The following KIAA0319L variants were observed in gnomAD, a reference collection of about 807,000 sequenced individuals.
KIAA0319L encodes KIAA0319 like.
Under a neutral mutation model 120.1 loss-of-function variants are expected in KIAA0319L, and 55 were observed. That is an observed-to-expected ratio of 0.46 (90% CI 0.37 to 0.57). The LOEUF (loss-of-function observed/expected upper bound fraction) is 0.57. Among genes scored for constraint, KIAA0319L ranks in the 20% least tolerant of loss-of-function variants. The pLI is 0.00. For missense variants in KIAA0319L, 1,049 were observed against 1,255.3 expected, an observed-to-expected ratio of 0.84 and a Z score of 2.48; for synonymous variants, 398 against 471.9, an observed-to-expected ratio of 0.84 and a Z score of 2.03.
At chr1:35,527,667 G>C (rs74851972) in intron 2 of KIAA0319L, among the ~76,000 whole-genome samples, 6,876 of 151,972 alleles carry the variant, frequency 0.045, 378 homozygotes, top group African/African-American at 0.13. Flanking sequence ...ATTTCCTCTA[G>C]GTTTTCCTGT....
At chr1:35,442,196 G>A (rs375341412) in intron 19 of KIAA0319L, 50 bp downstream of exon 19, 207 of 1,385,508 alleles carry the variant, frequency 1.5e-4, no homozygotes, top group Non-Finnish European at 1.9e-4. Context: ...TCTGAGGAAC[G>A]AATGTATGAC....
intron 2 of KIAA0319L, among the ~76,000 whole-genome samples, chr1:35,520,932 T>G (rs1320787357): frequency 6.6e-6 from 1 of 152,218 alleles, no homozygotes; most frequent in Non-Finnish European, 1.5e-5. Flanking sequence ...TGGAATTTAT[T>G]GTACAAATAA....
intron 3 of KIAA0319L, among the ~76,000 whole-genome samples, chr1:35,481,494 A>G (rs1406025511): frequency 6.6e-6 from 1 of 152,164 alleles, no homozygotes; most frequent in African/African-American, 2.4e-5. Flanking sequence ...ATAAAGTAAT[A>G]TATCACTGAT....
intron 3 of KIAA0319L, among the ~76,000 whole-genome samples, chr1:35,482,430 CTTTT>C (rs777518171): frequency 2.2e-5 from 3 of 134,310 alleles, no homozygotes; most frequent in South Asian, 2.4e-4. Context: ...ATCTACAGGT[CTTTT>C]TTTTTTTTTT....
In KIAA0319L at chr1:35,554,521, TAGA is replaced by T. The variant is rs1318792493; in HGVS notation, c.-28-5_-28-3del. 1.4e-5 allele frequency: 21 copies of T among 1,542,858 alleles called. No individual in the cohort carries two copies. The highest frequency in any genetic ancestry group is 1.3e-4 in the African/African-American group (9 of 71,646). ...CTCCAGACAGGCAGAACCAGTACAC[TAGA>T]AGGACAGAAAGAGAAGAAATTACAT... On this transcript the variant is annotated splice_region_variant and splice_polypyrimidine_tract_variant and intron_variant, in intron 1 of 20. Transcript: ENST00000325722.
chr1:35,548,086 A>T (rs866516851), intron 2 of KIAA0319L, among the ~76,000 whole-genome samples: 1 of 151,870 alleles, frequency 6.6e-6, no homozygotes, highest in Non-Finnish European at 1.5e-5. Context: ...GTACCACTGC[A>T]GTCCAGCCTG....
In KIAA0319L at chr1:35,481,918, G is replaced by A. The variant is rs531232224; in HGVS notation, c.667-2706C>T. On this transcript the variant is annotated intron_variant, in intron 3 of 20. Coordinates refer to ENST00000325722, the MANE Select transcript of KIAA0319L (RefSeq NM_024874.5). ...CGGCTCACTGCAAGCTCCACCTCCC[G>A]GGTTCATGCCATTCTCCTGCCTCAG... 2.6e-3 allele frequency among the ~76,000 whole-genome samples: 378 copies of A among 147,880 alleles called. 2 individuals carry two copies. Among genetic ancestry groups the A allele is most frequent in the African/African-American group, 8.0e-3 (320 of 39,754 alleles).
chr1:35,435,361 C>A (rs1380453960), intron 20 of KIAA0319L: 19 of 347,258 alleles, frequency 5.5e-5, no homozygotes, highest in Non-Finnish European at 7.7e-5. Context: ...GTTCAGGCCA[C>A]TCAGTGACAT....
intron 2 of KIAA0319L, among the ~76,000 whole-genome samples, chr1:35,529,455 G>C (rs770323689): frequency 1.3e-5 from 2 of 152,096 alleles, no homozygotes; most frequent in Non-Finnish European, 1.5e-5. Flanking sequence ...TTTCACTTCC[G>C]AATGTAGGAC....
At chr1:35,550,663 G>A (rs907075331) in intron 2 of KIAA0319L, among the ~76,000 whole-genome samples, 1 of 152,212 alleles carries the variant, frequency 6.6e-6, no homozygotes, top group African/African-American at 2.4e-5. Context: ...TATTGAATAT[G>A]TAGTTGCATA....
In KIAA0319L at chr1:35,454,277, T is replaced by C. The variant is rs79870981; in HGVS notation, c.1780+85A>G. 72 of 1,465,566 alleles carry C rather than the reference T, an allele frequency of 4.9e-5. No homozygotes were observed. In the East Asian group the frequency reaches 1.5e-3, roughly 30 times the overall value. The allele number at this position is 1,465,566 out of a possible 1,614,324, so 90.8% of individuals were successfully genotyped here. A position where few individuals can be genotyped will look rare whatever the true frequency, so the allele number is the denominator to read the frequency against. On this transcript the variant is annotated intron_variant, in intron 11 of 20. Coordinates refer to ENST00000325722, the MANE Select transcript of KIAA0319L (RefSeq NM_024874.5). ...TCGGTGCCTTCTGCTTCTACCCTCA[T>C]ACAGCTCAGAACCCAACACTCTTTT... is the stretch of plus-strand genomic sequence containing the variant.
chr1:35,538,736 G>A (rs991924624), intron 2 of KIAA0319L, among the ~76,000 whole-genome samples: 8 of 152,046 alleles, frequency 5.3e-5, no homozygotes, highest in African/African-American at 1.7e-4. Flanking sequence ...ACTGACATTC[G>A]GGTAATTTCA....
intron 20 of KIAA0319L, 162 bp downstream of exon 20, chr1:35,440,885 G>A: frequency 1.4e-6 from 1 of 702,342 alleles, no homozygotes; most frequent in Non-Finnish European, 2.6e-6. Context: ...GTCCAGTGCA[G>A]CTCAGGGCAA....
chr1:35,466,760 T>C (rs1643291958), intron 6 of KIAA0319L, 65 bp from the exon 7 acceptor site: 2 of 1,152,408 alleles, frequency 1.7e-6, no homozygotes. Flanking sequence ...TAAAATAAGA[T>C]ATATCTGAAC....
chr1:35,521,363 A>T (rs1208609451), intron 2 of KIAA0319L, among the ~76,000 whole-genome samples: 2 of 152,020 alleles, frequency 1.3e-5, no homozygotes, highest in Non-Finnish European at 2.9e-5. Flanking sequence ...AGCCGGGCGC[A>T]GTGGCTCACG....
intron 2 of KIAA0319L, chr1:35,533,077 G>A (rs1646434777): frequency 6.6e-6 from 1 of 152,160 alleles, no homozygotes; most frequent in African/African-American, 2.4e-5. Flanking sequence ...CAGGATATAT[G>A]AATTATTGCC....
chr1:35,473,342 C>T (rs1327816869), intron 5 of KIAA0319L, among the ~76,000 whole-genome samples: 1 of 152,012 alleles, frequency 6.6e-6, no homozygotes. Context: ...AGGTGATTCA[C>T]CCACCTCAGC....
chr1:35,450,570 A>G, intron 13 of KIAA0319L, 61 bp from the exon 14 acceptor site: 2 of 1,479,378 alleles, frequency 1.4e-6, no homozygotes, highest in South Asian at 2.4e-5. Flanking sequence ...ATGTTTCTTC[A>G]TGATGCTTAT....
intron 2 of KIAA0319L, among the ~76,000 whole-genome samples, chr1:35,553,781 T>C (rs890058995): frequency 5.3e-5 from 8 of 152,224 alleles, no homozygotes; most frequent in African/African-American, 1.9e-4. Context: ...TTGGCACTGA[T>C]TCCTGGCAAG....
Sources: gnomAD v4.1 joint callset for allele counts (sites outside exome capture counted in the v4.1 genomes callset) on GRCh38, gnomAD v4.1.1 for gene constraint, MANE v1.5 for transcripts, NCBI Gene and HGNC (gene_info 2026-07-23, HGNC 2026-07-21) for gene names.